Variants in ZC3HC1 observed in about 807,000 individuals in gnomAD.
ZC3HC1 encodes the protein zinc finger C3HC-type protein 1.
ZC3HC1 carries 38 observed loss-of-function variants against 61.9 expected under a neutral mutation model. That is an observed-to-expected ratio of 0.61 (90% CI 0.47 to 0.81). The LOEUF (loss-of-function observed/expected upper bound fraction) is 0.81, where lower values mean the gene tolerates loss of function less well. Ranked by LOEUF, ZC3HC1 falls within the 30% of genes least tolerant of loss-of-function variation. ZC3HC1 has a pLI of 0.00. For synonymous variants in ZC3HC1, 213 were observed against 229.9 expected, an observed-to-expected ratio of 0.93 and a Z score of 0.67; for missense variants, 554 against 622.7, an observed-to-expected ratio of 0.89 and a Z score of 1.17.
intron 9 of ZC3HC1, among the ~76,000 whole-genome samples, chr7:130,020,984 G>A (rs951043959): frequency 3.3e-5 from 5 of 151,728 alleles, no homozygotes; most frequent in African/African-American, 7.3e-5. Flanking sequence ...TGCAACCTCC[G>A]CCTCCTGGGT....
At chr7:130,024,853 G>A (rs1424751400) in intron 6 of ZC3HC1, among the ~76,000 whole-genome samples, 1 of 62,050 alleles carries the variant, frequency 1.6e-5, no homozygotes, top group African/African-American at 5.1e-5. Context: ...AGACCAGCCT[G>A]ACCAACAACA....
intron 4 of ZC3HC1, among the ~76,000 whole-genome samples, chr7:130,032,809 GAAAAGAAA>G (rs1794275227): frequency 8.9e-6 from 1 of 112,436 alleles, no homozygotes; most frequent in African/African-American, 3.6e-5. Flanking sequence ...GGAAGGGAAG[GAAAAGAAA>G]GAAGGGAAGG....
chr7:130,039,676 C>T (rs1042777011), intron 3 of ZC3HC1, 129 bp from the exon 4 acceptor site: 4 of 626,806 alleles, frequency 6.4e-6, no homozygotes, highest in Non-Finnish European at 7.9e-6. Context: ...TTATCAAGTA[C>T]ATAATCTTAA....
intron 2 of ZC3HC1, among the ~76,000 whole-genome samples, chr7:130,041,524 CT>C (rs71175069): frequency 7.3e-4 from 94 of 128,798 alleles, no homozygotes; most frequent in Middle Eastern, 4.2e-3. Flanking sequence ...TTAACTCATT[CT>C]TTTTTTTTTT....
At chr7:130,049,473 T>C (rs555393465) in intron 1 of ZC3HC1, among the ~76,000 whole-genome samples, 1 of 152,266 alleles carries the variant, frequency 6.6e-6, no homozygotes, top group Admixed American at 6.5e-5. Context: ...GTATTTGGCA[T>C]AACTTTAGTA....
intron 4 of ZC3HC1, among the ~76,000 whole-genome samples, chr7:130,032,757 G>GGGGAAGGGAAGGA (rs142780013): frequency 0.6 from 35,737 of 59,200 alleles, 12,455 homozygotes; most frequent in East Asian, 0.97. Context: ...GAGGGGAAGG[G>GGGGAAGGGAAGGA]GGGAAGGGAA....
intron 6 of ZC3HC1, 145 bp from the exon 7 acceptor site, chr7:130,024,651 A>G (rs1793808395): frequency 1.1e-6 from 1 of 905,486 alleles, no homozygotes; most frequent in African/African-American, 1.7e-5. Context: ...CAGTCTCAGG[A>G]CCCAGCTTCA....
chr7:130,020,645 T>C (rs187546714), intron 9 of ZC3HC1, among the ~76,000 whole-genome samples: 2 of 151,978 alleles, frequency 1.3e-5, no homozygotes, highest in Admixed American at 1.3e-4. Context: ...ACAGCAGCTG[T>C]CAGAAGGTTA....
intron 6 of ZC3HC1, among the ~76,000 whole-genome samples, chr7:130,025,488 A>G (rs1280934803): frequency 6.6e-6 from 1 of 151,808 alleles, no homozygotes; most frequent in Non-Finnish European, 1.5e-5. Context: ...TAAAAATAGA[A>G]AAGAACTTCC....
At chr7:130,020,914 AT>A (rs199512279) in intron 9 of ZC3HC1, among the ~76,000 whole-genome samples, 3 of 145,768 alleles carry the variant, frequency 2.1e-5, no homozygotes, top group East Asian at 2.0e-4. Context: ...TTTTTATTTT[AT>A]TTTTTTTTGA....
At chr7:130,024,012 C>T (rs893255559) in intron 7 of ZC3HC1, among the ~76,000 whole-genome samples, 2 of 152,042 alleles carry the variant, frequency 1.3e-5, no homozygotes, top group Non-Finnish European at 2.9e-5. Flanking sequence ...GTTGGCCAGG[C>T]TGGTCTCAAA....
intron 9 of ZC3HC1, among the ~76,000 whole-genome samples, chr7:130,021,064 ATT>A (rs746887020): frequency 6.9e-6 from 1 of 144,446 alleles, no homozygotes; most frequent in Non-Finnish European, 1.5e-5. Context: ...CACATGGCAA[ATT>A]TTTTTTTTTT....
At chr7:130,049,865 A>C (rs1263852210) in intron 1 of ZC3HC1, among the ~76,000 whole-genome samples, 1 of 151,650 alleles carries the variant, frequency 6.6e-6, no homozygotes, top group Non-Finnish European at 1.5e-5. Flanking sequence ...TCGACTCTTA[A>C]CAGCAGAAAA....
At chr7:130,042,917 G>A (rs551260982) in intron 2 of ZC3HC1, among the ~76,000 whole-genome samples, 2 of 152,204 alleles carry the variant, frequency 1.3e-5, no homozygotes, top group Admixed American at 1.3e-4. Context: ...GCCTGACCTT[G>A]AACGCCTGAG....
In ZC3HC1 at chr7:130,023,552, G is replaced by A. The variant is rs757402263; in HGVS notation, c.1192C>T (p.Arg398Trp). Residue 398 changes from arginine to tryptophan, a missense_variant, in exon 8 of 10, where the codon CGG becomes TGG. Arg to Trp is a moderately radical substitution (Grantham distance 101). Coordinates refer to ENST00000358303, the MANE Select transcript of ZC3HC1 (RefSeq NM_016478.5). The surrounding 1 kb of genome is among the most constrained non-coding windows in gnomAD (Gnocchi z 4.2). ...PGLEVPSSPLRKAKRARLCSS... is the reference protein window; with the variant it reads ...PGLEVPSSPLWKAKRARLCSS... Reference sequence around the variant, plus strand: ...CAGAGGCGAGCTCGCTTGGCTTTCCGCAGAGGGCTAGATGGTACCTCCAGG... The same window carrying A: ...CAGAGGCGAGCTCGCTTGGCTTTCCACAGAGGGCTAGATGGTACCTCCAGG... The A allele has an allele frequency of 4.2e-5, 68 of 1,614,052 alleles. No individual in the cohort carries two copies. Among genetic ancestry groups the A allele is most frequent in the South Asian group, 1.9e-4 (17 of 91,084 alleles).
At chr7:130,032,624 A>G (rs1026220854) in intron 4 of ZC3HC1, among the ~76,000 whole-genome samples, 3 of 142,454 alleles carry the variant, frequency 2.1e-5, no homozygotes, top group African/African-American at 7.6e-5. Context: ...GTAGCCTGGG[A>G]GAGAGAGAGA....
Position 130,018,742 on chromosome 7 carries a change from G to A in ZC3HC1, c.1441-10C>T, listed in dbSNP as rs201675944. 1.2e-5 allele frequency: 19 copies of A among 1,609,280 alleles called. No individual in the cohort carries two copies. Among genetic ancestry groups the A allele is most frequent in the Non-Finnish European group, 1.6e-5 (19 of 1,176,040 alleles). On this transcript the variant is annotated splice_polypyrimidine_tract_variant and intron_variant, in intron 9 of 9. Transcript: ENST00000358303. ...ATTTCTCAGAGAGACTCTGTAGGTA[G>A]AAAAGCTTATTATTAGTGATTACGT...
At chr7:130,032,085 A>G (rs376979474) in intron 4 of ZC3HC1, among the ~76,000 whole-genome samples, 10 of 152,170 alleles carry the variant, frequency 6.6e-5, no homozygotes, top group Admixed American at 4.6e-4. Context: ...TTAGCCAGGC[A>G]TGGTGGTGGG....
At chr7:130,029,637 G>A (rs2116698103) in intron 4 of ZC3HC1, among the ~76,000 whole-genome samples, 1 of 152,256 alleles carries the variant, frequency 6.6e-6, no homozygotes, top group South Asian at 2.1e-4. Flanking sequence ...GAATATAGAA[G>A]AAACAAGATC....
Sources: gnomAD v4.1 joint callset for allele counts (sites outside exome capture counted in the v4.1 genomes callset) on GRCh38, gnomAD v4.1.1 for gene constraint, Gnocchi (gnomAD v3.1) non-coding constraint, MANE v1.5 for transcripts, NCBI Gene and HGNC (gene_info 2026-07-23, HGNC 2026-07-21) for gene names.